IGF1: variants seen among roughly 807,000 people sequenced by gnomAD.
IGF1 encodes the protein insulin like growth factor 1.
Under a neutral mutation model 13.8 loss-of-function variants are expected in IGF1, and 4 were observed. The ratio of observed to expected loss-of-function variants is 0.29; its 90% CI spans 0.14 to 0.66. IGF1 has a LOEUF of 0.66. Among genes scored for constraint, IGF1 ranks in the 30% least tolerant of loss-of-function variants. The probability of loss-of-function intolerance (pLI) is 0.78; values close to 1 mark genes in which losing one functional copy is unlikely to be tolerated. For missense variants in IGF1, 124 were observed against 188.5 expected, an observed-to-expected ratio of 0.66 and a Z score of 2.00; for synonymous variants, 76 against 72.6, an observed-to-expected ratio of 1.05 and a Z score of -0.23.
chr12:102,434,306 C>A (rs1250825061), intron 2 of IGF1, among the ~76,000 whole-genome samples: 1 of 126,572 alleles, frequency 7.9e-6, no homozygotes, highest in Non-Finnish European at 1.6e-5. Context: ...CCCCTCCCCC[C>A]ACCCCACAAC....
At chr12:102,461,986 A>G (rs1186688813) in intron 2 of IGF1, among the ~76,000 whole-genome samples, 3 of 152,212 alleles carry the variant, frequency 2.0e-5, no homozygotes, top group Non-Finnish European at 4.4e-5. Flanking sequence ...TCAAACCTTA[A>G]CACGCATCCA....
intron 1 of IGF1, chr12:102,478,734 C>T (rs1881227365): frequency 8.9e-7 from 1 of 1,119,966 alleles, no homozygotes; most frequent in Non-Finnish European, 1.2e-6. Context: ...AATCTTTTCC[C>T]CCCAGTCAAG....
At chr12:102,434,160 T>G (rs1454435318) in intron 2 of IGF1, among the ~76,000 whole-genome samples, 1 of 151,976 alleles carries the variant, frequency 6.6e-6, no homozygotes, top group Non-Finnish European at 1.5e-5. Context: ...TTTTTTTTTT[T>G]TATTATACTT....
chr12:102,407,490 A>G (rs1226693287), intron 3 of IGF1, among the ~76,000 whole-genome samples: 1 of 152,194 alleles, frequency 6.6e-6, no homozygotes, highest in Non-Finnish European at 1.5e-5. Flanking sequence ...TCTTTAAGGA[A>G]TCTGAAACTT....
chr12:102,416,529 C>A (rs749308614), intron 3 of IGF1, among the ~76,000 whole-genome samples: 1 of 152,158 alleles, frequency 6.6e-6, no homozygotes, highest in Non-Finnish European at 1.5e-5. Context: ...TGTCTCCTGG[C>A]CAAAAGAAGA....
chr12:102,447,401 G>C (rs1018046764), intron 2 of IGF1, among the ~76,000 whole-genome samples: 1 of 152,102 alleles, frequency 6.6e-6, no homozygotes, highest in African/African-American at 2.4e-5. Context: ...TTATGAATCT[G>C]GGTGCTCCTG....
Position 102,398,955 on chromosome 12 carries a change from G to A in IGF1, c.*3552C>T, listed in dbSNP as rs117058953. ...GTAACAGAAACCCTGGAGCCACAGAGCATGAGATGGTTTCATCTACACAAA... is the reference window on the plus strand; with the variant it reads ...GTAACAGAAACCCTGGAGCCACAGAACATGAGATGGTTTCATCTACACAAA... On this transcript the variant is annotated 3_prime_UTR_variant, in exon 4 of 4. Transcript: ENST00000337514. 1,490 of 152,532 alleles carry A rather than the reference G, an allele frequency of 9.8e-3. 12 individuals carry two copies. Among genetic ancestry groups the A allele is most frequent in the Non-Finnish European group, 0.016 (1,075 of 67,976 alleles). 9.4% of individuals were successfully genotyped at this position (152,532 alleles called of 1,614,324 possible).
At chr12:102,435,597 CTG>C (rs778325043) in intron 2 of IGF1, among the ~76,000 whole-genome samples, 14 of 152,126 alleles carry the variant, frequency 9.2e-5, no homozygotes, top group Non-Finnish European at 1.9e-4. Context: ...AATGAAAAAA[CTG>C]AGAGTTTAAG....
intron 2 of IGF1, among the ~76,000 whole-genome samples, chr12:102,455,975 G>A (rs935130980): frequency 5.9e-5 from 9 of 152,192 alleles, no homozygotes; most frequent in African/African-American, 1.7e-4. Flanking sequence ...GCTCAGCAGC[G>A]ATGGCTTATG....
At chr12:102,472,042 G>A (rs1381990788) in intron 2 of IGF1, among the ~76,000 whole-genome samples, 1 of 152,144 alleles carries the variant, frequency 6.6e-6, no homozygotes, top group African/African-American at 2.4e-5. Context: ...CATCAATCTA[G>A]TAAGAAAATC....
In IGF1 at chr12:102,402,380, A is replaced by G; in HGVS notation, c.*127T>C. 2.6e-6 allele frequency: 2 copies of G among 771,270 alleles called. No homozygotes were observed. The highest frequency in any genetic ancestry group is 1.4e-5 in the South Asian group (1 of 73,342). The allele number at this position is 771,270 out of a possible 1,614,324, so 47.8% of individuals were successfully genotyped here. ...GTTTACTTGTGTATTTCATTGGGGGAAACGCCCATCTTTTAAATGTTATCA... is the reference window on the plus strand; with the variant it reads ...GTTTACTTGTGTATTTCATTGGGGGGAACGCCCATCTTTTAAATGTTATCA... On this transcript the variant is annotated 3_prime_UTR_variant, in exon 4 of 4. Coordinates refer to ENST00000337514, the MANE Select transcript of IGF1 (RefSeq NM_000618.5).
At chr12:102,425,697 G>A (rs1044999285) in intron 2 of IGF1, among the ~76,000 whole-genome samples, 13 of 152,174 alleles carry the variant, frequency 8.5e-5, no homozygotes, top group African/African-American at 1.7e-4. Context: ...TCCTAGGGGC[G>A]ATAACAGCAA....
intron 3 of IGF1, among the ~76,000 whole-genome samples, chr12:102,418,359 C>G (rs545687687): frequency 6.6e-6 from 1 of 152,350 alleles, no homozygotes; most frequent in Admixed American, 6.5e-5. Flanking sequence ...TTGGGTCTTG[C>G]CCAGTCCCCT....
intron 2 of IGF1, among the ~76,000 whole-genome samples, chr12:102,458,097 T>G (rs1420696832): frequency 6.6e-6 from 1 of 152,234 alleles, no homozygotes; most frequent in African/African-American, 2.4e-5. Context: ...GATTTGATTC[T>G]ATAATCTTGT....
chr12:102,480,693 G>A (rs1436054316), upstream of IGF1: 5 of 953,812 alleles, frequency 5.2e-6, no homozygotes, highest in African/African-American at 6.6e-5. Context: ...GACTTTTTTG[G>A]GCATGGTGAC....
At chr12:102,438,771 A>G (rs1030072860) in intron 2 of IGF1, among the ~76,000 whole-genome samples, 1 of 152,192 alleles carries the variant, frequency 6.6e-6, no homozygotes, top group African/African-American at 2.4e-5. Context: ...ACATGAGGGA[A>G]GTGGGTTTGC....
intron 2 of IGF1, among the ~76,000 whole-genome samples, chr12:102,426,190 A>G (rs1339999139): frequency 2.6e-5 from 4 of 152,206 alleles, no homozygotes; most frequent in African/African-American, 9.6e-5. Flanking sequence ...GGAACCAGAC[A>G]GTCTGGATTC....
intron 2 of IGF1, among the ~76,000 whole-genome samples, chr12:102,468,028 T>C (rs572014974): frequency 1.3e-5 from 2 of 152,362 alleles, no homozygotes; most frequent in South Asian, 2.1e-4. Flanking sequence ...TCTAAGTTTG[T>C]AGCAATCTTC....
intron 2 of IGF1, among the ~76,000 whole-genome samples, chr12:102,432,378 T>G (rs1162955566): frequency 6.6e-6 from 1 of 152,230 alleles, no homozygotes; most frequent in Non-Finnish European, 1.5e-5. Context: ...CATAACATTC[T>G]ACTACTCATA....
Sources: allele counts gnomAD v4.1 joint callset (sites outside exome capture counted in the v4.1 genomes callset), GRCh38; gene constraint gnomAD v4.1.1; transcripts MANE v1.5; gene names NCBI Gene and HGNC (gene_info 2026-07-23, HGNC 2026-07-21).